Variants in ADGRL3 observed in about 807,000 individuals in gnomAD.
ADGRL3 encodes the protein adhesion G protein-coupled receptor L3.
ADGRL3 carries 62 observed loss-of-function variants against 153.5 expected under a neutral mutation model. That is an observed-to-expected ratio of 0.40 (90% CI 0.33 to 0.50). ADGRL3 has a LOEUF of 0.50. Ranked by LOEUF, ADGRL3 falls within the 20% of genes least tolerant of loss-of-function variation. The probability of loss-of-function intolerance (pLI) is 0.47; values close to 1 mark genes in which losing one functional copy is unlikely to be tolerated. For missense variants in ADGRL3, 1,641 were observed against 1,859.4 expected (o/e 0.88, Z 2.16); for synonymous variants, 710 against 672.5 (o/e 1.06, Z -0.86).
At chr4:61,666,755 C>A (rs756911738) in intron 5 of ADGRL3, among the ~76,000 whole-genome samples, 1 of 152,180 alleles carries the variant, frequency 6.6e-6, no homozygotes. Flanking sequence ...TTATTTGCTG[C>A]ACTTTCAGAT....
At chr4:61,842,147 A>G (rs2098042495) in intron 9 of ADGRL3, among the ~76,000 whole-genome samples, 1 of 152,222 alleles carries the variant, frequency 6.6e-6, no homozygotes, top group African/African-American at 2.4e-5. Flanking sequence ...AAAACATTTT[A>G]ATACCAAAAG....
chr4:61,366,818 A>G (rs1057335120), intron 1 of ADGRL3, among the ~76,000 whole-genome samples: 15 of 152,214 alleles, frequency 9.9e-5, no homozygotes, highest in African/African-American at 3.4e-4. Context: ...TTATTCATAT[A>G]CCTAATGTTG....
chr4:61,779,407 T>A (rs914828238), intron 8 of ADGRL3, among the ~76,000 whole-genome samples: 1 of 151,594 alleles, frequency 6.6e-6, no homozygotes, highest in African/African-American at 2.4e-5. Context: ...ACTAAGTGAG[T>A]GGATCACCTG....
chr4:61,531,108 T>C (rs2098610219), intron 4 of ADGRL3, among the ~76,000 whole-genome samples: 1 of 152,166 alleles, frequency 6.6e-6, no homozygotes, highest in Non-Finnish European at 1.5e-5. Flanking sequence ...AGAATGAAGT[T>C]GCTGCAAAAA....
intron 5 of ADGRL3, among the ~76,000 whole-genome samples, chr4:61,666,808 C>T (rs2094815984): frequency 6.6e-6 from 1 of 152,026 alleles, no homozygotes; most frequent in Non-Finnish European, 1.5e-5. Context: ...GTTAACCATA[C>T]ATACAAATAA....
chr4:61,812,707 G>A (rs556139855), intron 8 of ADGRL3, among the ~76,000 whole-genome samples: 14 of 152,200 alleles, frequency 9.2e-5, no homozygotes, highest in African/African-American at 2.9e-4. Context: ...TGGCTACTTT[G>A]AAAATTAGAT....
Position 62,071,859 on chromosome 4 carries a change from AAAAC to A in ADGRL3, c.*955_*958del, listed in dbSNP as rs979501227. The A allele has an allele frequency of 3.0e-6, 1 of 330,772 alleles. No individual in the cohort carries two copies. Among genetic ancestry groups the A allele is most frequent in the African/African-American group, 2.2e-5 (1 of 45,212 alleles). 20.5% of individuals were successfully genotyped at this position (330,772 alleles called of 1,614,324 possible). On this transcript the variant is annotated 3_prime_UTR_variant, in exon 27 of 27. Transcript: ENST00000683033. ...ATGCAAACAAATTATTTTTTACAAA[AAAAC>A]AAAATAAATAAAATTAGACTTCCTT...
At chr4:61,561,820 G>T (rs568841155) in intron 4 of ADGRL3, among the ~76,000 whole-genome samples, 1 of 151,684 alleles carries the variant, frequency 6.6e-6, no homozygotes, top group South Asian at 2.1e-4. Context: ...TTATTATTTT[G>T]GGAGGGATGA....
chr4:61,956,788 T>G (rs1235265051), intron 17 of ADGRL3, among the ~76,000 whole-genome samples: 1 of 152,182 alleles, frequency 6.6e-6, no homozygotes, highest in Non-Finnish European at 1.5e-5. Flanking sequence ...ATTTATTGAA[T>G]AGGAGATACT....
intron 13 of ADGRL3, among the ~76,000 whole-genome samples, chr4:61,913,926 A>T (rs982804851): frequency 1.2e-4 from 18 of 152,154 alleles, no homozygotes; most frequent in African/African-American, 3.6e-4. Flanking sequence ...TGGCTGGCAA[A>T]TTCTTTTTCT....
chr4:61,924,178 C>T (rs544742046), intron 13 of ADGRL3, among the ~76,000 whole-genome samples: 48 of 152,184 alleles, frequency 3.2e-4, no homozygotes, highest in African/African-American at 1.1e-3. Flanking sequence ...CAATTAGAAA[C>T]ATCTAACACA....
chr4:61,691,393 G>A (rs1316905610), intron 6 of ADGRL3, among the ~76,000 whole-genome samples: 2 of 152,052 alleles, frequency 1.3e-5, no homozygotes, highest in Admixed American at 6.6e-5. Context: ...GGCCATATTG[G>A]CCTTGTTTTT....
At chr4:61,466,245 T>C (rs1158111815) in intron 2 of ADGRL3, among the ~76,000 whole-genome samples, 2 of 152,212 alleles carry the variant, frequency 1.3e-5, no homozygotes, top group Non-Finnish European at 2.9e-5. Context: ...CTGTTTCCTT[T>C]CAATCTAATT....
At chr4:62,011,791 GT>G (rs2099187778) in intron 21 of ADGRL3, among the ~76,000 whole-genome samples, 1 of 152,030 alleles carries the variant, frequency 6.6e-6, no homozygotes, top group Non-Finnish European at 1.5e-5. Flanking sequence ...ATTACTTAAA[GT>G]CAAAGTTCTT....
At chr4:61,323,646 A>G (rs1343679841) in intron 1 of ADGRL3, among the ~76,000 whole-genome samples, 2 of 152,146 alleles carry the variant, frequency 1.3e-5, no homozygotes, top group African/African-American at 2.4e-5. Context: ...CCAGTTCCCA[A>G]GTTCCTCATC....
At chr4:61,220,536 G>T (rs1000798344) in intron 1 of ADGRL3, among the ~76,000 whole-genome samples, 5 of 152,142 alleles carry the variant, frequency 3.3e-5, no homozygotes, top group African/African-American at 1.2e-4. Context: ...CGGGCAGAAG[G>T]TTTAGTCATT....
intron 1 of ADGRL3, among the ~76,000 whole-genome samples, chr4:61,249,852 T>A (rs1758557530): frequency 6.6e-6 from 1 of 152,212 alleles, no homozygotes; most frequent in Non-Finnish European, 1.5e-5. Context: ...AGGGGGATAC[T>A]GCGTAAATGA....
intron 2 of ADGRL3, among the ~76,000 whole-genome samples, chr4:61,431,655 T>G (rs1283444847): frequency 2.0e-5 from 3 of 152,158 alleles, no homozygotes; most frequent in Admixed American, 6.6e-5. Flanking sequence ...TATAAGAAAT[T>G]ATTGGGATAG....
intron 25 of ADGRL3, among the ~76,000 whole-genome samples, chr4:62,063,965 TA>T (rs1741591336): frequency 6.6e-6 from 1 of 152,134 alleles, no homozygotes; most frequent in Non-Finnish European, 1.5e-5. Flanking sequence ...AGAAATAAGA[TA>T]TTTTCTTCAG....
Sources: allele counts gnomAD v4.1 joint callset (sites outside exome capture counted in the v4.1 genomes callset), GRCh38; gene constraint gnomAD v4.1.1; transcripts MANE v1.5; gene names NCBI Gene and HGNC (gene_info 2026-07-23, HGNC 2026-07-21).